PPP3CA: variants seen among roughly 807,000 people sequenced by gnomAD.
PPP3CA encodes protein phosphatase 3 catalytic subunit alpha, also known as CAM-PRP catalytic subunit.
A neutral mutation model predicts 66.5 loss-of-function variants in PPP3CA; 14 were observed. The observed-to-expected ratio is 0.21, with a 90% CI of 0.14 to 0.33. PPP3CA has a LOEUF of 0.33. PPP3CA is among the 10% of genes least tolerant of loss of function. PPP3CA has a pLI of 1.00. For synonymous variants in PPP3CA, 232 were observed against 226.2 expected (o/e 1.03, Z -0.23); for missense variants, 317 against 639.5 (o/e 0.50, Z 5.44).
In PPP3CA at chr4:101,186,656, G is replaced by C. The variant is rs536367230; in HGVS notation, c.259+9260C>G. On this transcript the variant is annotated intron_variant, in intron 2 of 13. Coordinates refer to ENST00000394854, the MANE Select transcript of PPP3CA (RefSeq NM_000944.5). The stretch of plus-strand genomic sequence containing the variant: ...ATGAAAACAAAATTTATTTTCTTTC[G>C]AATTAAAACTCATTTGGAATTTAGA... 2.0e-5 allele frequency among the ~76,000 whole-genome samples: 3 copies of C among 151,616 alleles called. No homozygotes were observed. In the East Asian group the frequency reaches 5.8e-4, roughly 29 times the overall value.
chr4:101,301,376 A>T (rs976764562), intron 1 of PPP3CA, among the ~76,000 whole-genome samples: 1 of 149,690 alleles, frequency 6.7e-6, no homozygotes, highest in African/African-American at 2.4e-5. Flanking sequence ...TCAATTGATA[A>T]TCCTTGACAC....
At chr4:101,250,846 A>C (rs1262412956) in intron 1 of PPP3CA, among the ~76,000 whole-genome samples, 1 of 152,086 alleles carries the variant, frequency 6.6e-6, no homozygotes, top group African/African-American at 2.4e-5. Flanking sequence ...TAACCTGTAT[A>C]TTAAAAGGAA....
chr4:101,294,074 A>G (rs75404779), intron 1 of PPP3CA, among the ~76,000 whole-genome samples: 3,268 of 152,356 alleles, frequency 0.021, 97 homozygotes, highest in African/African-American at 0.06. Flanking sequence ...CACTAACAAT[A>G]GTAACTGAGG....
chr4:101,139,529 T>C (rs567252583), intron 2 of PPP3CA, among the ~76,000 whole-genome samples: 5 of 152,144 alleles, frequency 3.3e-5, no homozygotes, highest in African/African-American at 1.2e-4. Context: ...CATCTGTACA[T>C]TGTGGGAGCT....
intron 2 of PPP3CA, among the ~76,000 whole-genome samples, chr4:101,180,791 T>TG (rs1311817117): frequency 6.6e-6 from 1 of 152,148 alleles, no homozygotes; most frequent in African/African-American, 2.4e-5. Context: ...CCCAGCACTT[T>TG]GGGGGGCCAA....
At chr4:101,026,195 C>T in intron 13 of PPP3CA, 134 bp from the exon 14 acceptor site, 1 of 689,328 alleles carries the variant, frequency 1.5e-6, no homozygotes, top group African/African-American at 1.8e-5. Flanking sequence ...AGTGACGGGA[C>T]CTGCACACCA....
At position 101,284,781 on chromosome 4, in the gene PPP3CA, C is replaced by G. The variant is rs78650301; in HGVS notation, c.58+61958G>C. On this transcript the variant is annotated intron_variant, in intron 1 of 13. Coordinates refer to ENST00000394854, the MANE Select transcript of PPP3CA (RefSeq NM_000944.5). ...CATTCTGTACTTTCAAATCTGGGAG[C>G]AACTACATTTTTTGTTTTAATTTTT... is the stretch of plus-strand genomic sequence containing the variant. 6.0e-3 allele frequency among the ~76,000 whole-genome samples: 910 copies of G among 152,154 alleles called. 5 individuals carry two copies. The highest frequency in any genetic ancestry group is 7.5e-3 in the Non-Finnish European group (513 of 68,016).
At chr4:101,122,885 T>A (rs1306729062) in intron 2 of PPP3CA, among the ~76,000 whole-genome samples, 2 of 152,142 alleles carry the variant, frequency 1.3e-5, no homozygotes, top group African/African-American at 4.8e-5. Context: ...TTGCTTTTAA[T>A]TTGAGGTTTG....
rs1726585191 is a variant in PPP3CA, at chr4:101,025,408, T to A, written c.*457A>T. 1 of 152,542 alleles carries A rather than the reference T, an allele frequency of 6.6e-6. No homozygotes were observed. The highest frequency in any genetic ancestry group is 6.6e-5 in the Admixed American group (1 of 15,252). The allele number at this position is 152,542 out of a possible 1,614,324, so 9.4% of individuals were successfully genotyped here. A position where few individuals can be genotyped will look rare whatever the true frequency, so the allele number is the denominator to read the frequency against. ...AGTCCTTAGTTTGTACATCATTTTG[T>A]TAAAAATGTTTGATGTCATCCATTT... On this transcript the variant is annotated 3_prime_UTR_variant, in exon 14 of 14. Transcript: ENST00000394854.
intron 5 of PPP3CA, among the ~76,000 whole-genome samples, chr4:101,096,621 A>G (rs1297004589): frequency 6.6e-6 from 1 of 152,198 alleles, no homozygotes; most frequent in Non-Finnish European, 1.5e-5. Flanking sequence ...CTCATCTTCC[A>G]TCCAAGGCCA....
Position 101,347,170 on chromosome 4 carries a change from C to A in PPP3CA, c.-374G>T, listed in dbSNP as rs1396848212. ...CACCCACCCCGGCACGGAGACCCAG[C>A]ACCGCGGAATGGAGCCCCACGCGCG... On this transcript the variant is annotated 5_prime_UTR_variant, in exon 1 of 14. Transcript: ENST00000394854. 2.6e-6 allele frequency: 1 copy of A among 387,428 alleles called. No individual in the cohort carries two copies. The highest frequency in any genetic ancestry group is 4.7e-6 in the Non-Finnish European group (1 of 210,780). 24.0% of individuals were successfully genotyped at this position (387,428 alleles called of 1,614,324 possible). A position where few individuals can be genotyped will look rare whatever the true frequency, so the allele number is the denominator to read the frequency against.
rs1232269906 is a variant in PPP3CA, at chr4:101,181,648, A to G, written c.259+14268T>C. On this transcript the variant is annotated intron_variant, in intron 2 of 13. Coordinates refer to ENST00000394854, the MANE Select transcript of PPP3CA (RefSeq NM_000944.5). ...ATACTTTGCAGCCAGACCACTCAAA[A>G]ATCACATTTGACATAAAAAAGAAAC... Among the ~76,000 whole-genome samples the G allele has an allele frequency of 2.0e-5, 3 of 152,134 alleles. No individual in the cohort carries two copies. The East Asian group carries it at 5.8e-4, about 29-fold the overall frequency.
chr4:101,185,061 T>C (rs779025214), intron 2 of PPP3CA, among the ~76,000 whole-genome samples: 44 of 152,142 alleles, frequency 2.9e-4, no homozygotes, highest in South Asian at 2.3e-3. Context: ...CATCATGAAA[T>C]TTTACTTGGT....
At chr4:101,265,273 A>T (rs914181790) in intron 1 of PPP3CA, among the ~76,000 whole-genome samples, 1 of 151,160 alleles carries the variant, frequency 6.6e-6, no homozygotes, top group East Asian at 1.9e-4. Flanking sequence ...TCTTTTATTT[A>T]TTTTTTTTAT....
intron 1 of PPP3CA, among the ~76,000 whole-genome samples, chr4:101,200,279 T>C (rs564576847): frequency 2.4e-4 from 37 of 152,298 alleles, no homozygotes; most frequent in Admixed American, 8.5e-4. Context: ...TTTAAAATAC[T>C]GTATCAAGCC....
chr4:101,241,879 T>C (rs2850347), intron 1 of PPP3CA, among the ~76,000 whole-genome samples: 16,955 of 152,124 alleles, frequency 0.11, 1,360 homozygotes, highest in East Asian at 0.31. Context: ...TAAGTGTATC[T>C]GTACAAATGT....
intron 1 of PPP3CA, among the ~76,000 whole-genome samples, chr4:101,262,376 T>A (rs1413131357): frequency 6.6e-6 from 1 of 152,122 alleles, no homozygotes; most frequent in African/African-American, 2.4e-5. Context: ...AACCCAAATA[T>A]AAGTATATAT....
At chr4:101,043,096 TCA>T (rs1013724528) in intron 10 of PPP3CA, among the ~76,000 whole-genome samples, 2 of 152,006 alleles carry the variant, frequency 1.3e-5, no homozygotes, top group Non-Finnish European at 2.9e-5. Context: ...CCAAAACTGG[TCA>T]CTATATTTAG....
intron 1 of PPP3CA, among the ~76,000 whole-genome samples, chr4:101,217,350 T>C (rs917268573): frequency 1.8e-4 from 27 of 152,176 alleles, no homozygotes; most frequent in African/African-American, 6.5e-4. Flanking sequence ...CAGGTATATT[T>C]GGTTTCAACT....
Sources: gnomAD v4.1 joint callset for allele counts (sites outside exome capture counted in the v4.1 genomes callset) on GRCh38, gnomAD v4.1.1 for gene constraint, MANE v1.5 for transcripts, NCBI Gene and HGNC (gene_info 2026-07-23, HGNC 2026-07-21) for gene names.